ADAMTS10: variants seen among roughly 807,000 people sequenced by gnomAD.
ADAMTS10 encodes ADAM metallopeptidase with thrombospondin type 1 motif 10, also known as A disintegrin and metalloproteinase with thrombospondin motifs 10.
ADAMTS10 carries 48 observed loss-of-function variants against 135.9 expected under a neutral mutation model. That is an observed-to-expected ratio of 0.35 (90% CI 0.28 to 0.45). The LOEUF (loss-of-function observed/expected upper bound fraction) is 0.45, where lower values mean the gene tolerates loss of function less well. Among genes scored for constraint, ADAMTS10 ranks in the 20% least tolerant of loss-of-function variants. ADAMTS10 has a pLI of 1.00. For missense variants in ADAMTS10, 1,131 were observed against 1,565.2 expected (o/e 0.72, Z 4.68); for synonymous variants, 621 against 647.5 (o/e 0.96, Z 0.62).
rs1370893207 is a variant in ADAMTS10, at chr19:8,601,222, C to A, written c.593-77G>T. On this transcript the variant is annotated intron_variant, in intron 5 of 25. Coordinates refer to ENST00000597188, the MANE Select transcript of ADAMTS10 (RefSeq NM_030957.4). This position sits in a 1 kb window ranked among gnomAD's most constrained non-coding sequence, Gnocchi z 4.6. ...GCTGCCTGACAACTGTCTTGTCCAA[C>A]CTCTGACTGGCTACCTCTCTACCCA... 1 of 1,488,026 alleles carries A rather than the reference C, an allele frequency of 6.7e-7. No individual in the cohort carries two copies. The highest frequency in any genetic ancestry group is 9.2e-7 in the Non-Finnish European group (1 of 1,090,792). 92.2% of individuals were successfully genotyped at this position (1,488,026 alleles called of 1,614,324 possible). A position where few individuals can be genotyped will look rare whatever the true frequency, so the allele number is the denominator to read the frequency against.
In ADAMTS10 at chr19:8,597,230, G is replaced by C; in HGVS notation, c.894+4C>G. On this transcript the variant is annotated splice_donor_region_variant and intron_variant, in intron 7 of 25. Transcript: ENST00000597188. Reference sequence around the variant, plus strand: ...GAAGGGGAAGGGGAGGAAGTCCCCCGCACCTGGTCCTCCGTGAGCAGGATG... The same window carrying C: ...GAAGGGGAAGGGGAGGAAGTCCCCCCCACCTGGTCCTCCGTGAGCAGGATG... 6.2e-7 allele frequency: 1 copy of C among 1,614,078 alleles called. No homozygotes were observed. The highest frequency in any genetic ancestry group is 8.5e-7 in the Non-Finnish European group (1 of 1,180,010).
rs138501563 is a variant in ADAMTS10, at chr19:8,585,059, G to GAGGGGGC, written c.3043-12_3043-6dup. 298,616 of 1,516,506 alleles carry GAGGGGGC rather than the reference G, an allele frequency of 0.2. 30,503 individuals carry two copies. The highest frequency in any genetic ancestry group is 0.21 in the Non-Finnish European group (234,701 of 1,134,918). The allele number at this position is 1,516,506 out of a possible 1,614,324, so 93.9% of individuals were successfully genotyped here. On this transcript the variant is annotated splice_polypyrimidine_tract_variant and splice_region_variant and intron_variant, in intron 24 of 25. Coordinates refer to ENST00000597188, the MANE Select transcript of ADAMTS10 (RefSeq NM_030957.4). ...GACGCCGCACTGTGCAGAGCACTGC[G>GAGGGGGC]AGGGGGCACCACTCAGTTGCTGCCC...
chr19:8,589,133 C>T (rs1170507720), intron 18 of ADAMTS10, 109 bp downstream of exon 18: 223 of 1,567,964 alleles, frequency 1.4e-4, no homozygotes, highest in Non-Finnish European at 1.8e-4. Context: ...CTCCACGGGG[C>T]CCCTGGGGTC....
intron 16 of ADAMTS10, 68 bp from the exon 17 acceptor site, chr19:8,589,653 G>C (rs558667624): frequency 6.2e-7 from 1 of 1,604,094 alleles, no homozygotes; most frequent in South Asian, 1.1e-5. Context: ...CTCCCTGGGG[G>C]AGTGAGGCCA....
intron 18 of ADAMTS10, 115 bp downstream of exon 18, chr19:8,589,127 A>G: frequency 6.4e-7 from 1 of 1,555,244 alleles, no homozygotes; most frequent in Non-Finnish European, 8.7e-7. Context: ...CTGACACTCC[A>G]CGGGGCCCCT....
chr19:8,591,790 G>A lies in ADAMTS10; in HGVS notation c.1797+10C>T. On this transcript the variant is annotated intron_variant, in intron 15 of 25. Coordinates refer to ENST00000597188, the MANE Select transcript of ADAMTS10 (RefSeq NM_030957.4). ...TCCCCCCACCCCTCAAGGGGTTTGG[G>A]GGAACTCACATCCGTGTTGCAGGAG... 6.2e-7 allele frequency: 1 copy of A among 1,613,672 alleles called. No homozygotes were observed. Among genetic ancestry groups the A allele is most frequent in the Non-Finnish European group, 8.5e-7 (1 of 1,180,008 alleles).
At chr19:8,586,759 T>C in intron 19 of ADAMTS10, 38 bp from the exon 20 acceptor site, 2 of 1,614,082 alleles carry the variant, frequency 1.2e-6, no homozygotes, top group African/African-American at 2.7e-5. Flanking sequence ...CTAGTCATGC[T>C]GAAACCGCCC....
intron 12 of ADAMTS10, among the ~76,000 whole-genome samples, chr19:8,595,101 G>C (rs1427131775): frequency 6.6e-6 from 1 of 152,178 alleles, no homozygotes; most frequent in Non-Finnish European, 1.5e-5. Flanking sequence ...GAGGAGCTTA[G>C]GGGTGCATTT....
At chr19:8,594,316 C>T (rs1490020428) in intron 12 of ADAMTS10, among the ~76,000 whole-genome samples, 4 of 152,114 alleles carry the variant, frequency 2.6e-5, no homozygotes, top group African/African-American at 7.2e-5. Context: ...CTATGAGGCA[C>T]GTGACAGGAT....
chr19:8,595,698 T>TGCCAACCCC, intron 12 of ADAMTS10, 64 bp downstream of exon 12: 14 of 1,291,924 alleles, frequency 1.1e-5, no homozygotes, highest in Middle Eastern at 2.5e-4. Context: ...CTGGTGGAGT[T>TGCCAACCCC]CCCTCCCCCA....
In ADAMTS10 at chr19:8,601,528, AT is replaced by A. The variant is rs1383335662; in HGVS notation, c.593-384del. On this transcript the variant is annotated intron_variant, in intron 5 of 25. Transcript: ENST00000597188. The surrounding 1 kb of genome is among the most constrained non-coding windows in gnomAD (Gnocchi z 4.6). ...AGGCATGTGCCACTATGCCTGGCTAATTTTTGTATTTTTAATTGAGACTGCA... is the reference window on the plus strand; with the variant it reads ...AGGCATGTGCCACTATGCCTGGCTAATTTTGTATTTTTAATTGAGACTGCA... Among the ~76,000 whole-genome samples the A allele has an allele frequency of 4.6e-5, 7 of 151,594 alleles. No homozygotes were observed. Among genetic ancestry groups the A allele is most frequent in the Non-Finnish European group, 1.0e-4 (7 of 67,858 alleles).
rs546632704 is a variant in ADAMTS10, at chr19:8,596,536, G to A, written c.1084+6C>T. On this transcript the variant is annotated splice_donor_region_variant and intron_variant, in intron 9 of 25. Transcript: ENST00000597188. This position sits in a 1 kb window ranked among gnomAD's most constrained non-coding sequence, Gnocchi z 7.2. The stretch of plus-strand genomic sequence containing the variant: ...TAGGCGCCTGAAACCTACGGGGCTC[G>A]GGTACCTAGTGTGCCGCAGGGTTTG... The A allele has an allele frequency of 5.0e-5, 81 of 1,613,974 alleles. No individual in the cohort carries two copies. In the South Asian group the frequency reaches 8.1e-4, roughly 16 times the overall value.
chr19:8,592,993 C>T, intron 12 of ADAMTS10, 123 bp from the exon 13 acceptor site: 3 of 868,908 alleles, frequency 3.5e-6, no homozygotes, highest in East Asian at 2.7e-5. Context: ...GCCCGGTGCT[C>T]CCTTCCTGGC....
chr19:8,593,809 G>C (rs782519271), intron 12 of ADAMTS10, among the ~76,000 whole-genome samples: 17 of 152,156 alleles, frequency 1.1e-4, no homozygotes, highest in Non-Finnish European at 2.4e-4. Flanking sequence ...CCTCTAAGAA[G>C]TAGGTGGTCC....
intron 1 of ADAMTS10, among the ~76,000 whole-genome samples, chr19:8,609,788 C>T (rs1568410320): frequency 6.6e-6 from 1 of 152,004 alleles, no homozygotes; most frequent in Non-Finnish European, 1.5e-5. Context: ...CAAACACACA[C>T]TGGCAGCGAC....
rs1555735686 is a variant in ADAMTS10, at chr19:8,581,009, G to A, written c.3203-7C>T. On this transcript the variant is annotated splice_polypyrimidine_tract_variant and splice_region_variant and intron_variant, in intron 25 of 25. Transcript: ENST00000597188. ...TTGTTCACATCCTTGCACTCTGCGGGGACGGGAGAAGGAAGGAAAAATCAG... is the reference window on the plus strand; with the variant it reads ...TTGTTCACATCCTTGCACTCTGCGGAGACGGGAGAAGGAAGGAAAAATCAG... The A allele has an allele frequency of 6.2e-7, 1 of 1,608,564 alleles. No homozygotes were observed. Among genetic ancestry groups the A allele is most frequent in the Admixed American group, 1.7e-5 (1 of 59,782 alleles).
intron 25 of ADAMTS10, among the ~76,000 whole-genome samples, chr19:8,582,373 C>T (rs2042365134): frequency 6.6e-6 from 1 of 152,070 alleles, no homozygotes; most frequent in African/African-American, 2.4e-5. Flanking sequence ...GAGGCTGAGG[C>T]AGGAGAATGG....
At chr19:8,591,643 T>C (rs1461301975) in intron 15 of ADAMTS10, among the ~76,000 whole-genome samples, 157 bp downstream of exon 15, 1 of 152,078 alleles carries the variant, frequency 6.6e-6, no homozygotes, top group Non-Finnish European at 1.5e-5. Flanking sequence ...GGTTTCACTA[T>C]GTTAGCCAGG....
intron 16 of ADAMTS10, 70 bp from the exon 17 acceptor site, chr19:8,589,655 G>T: frequency 1.2e-6 from 2 of 1,602,828 alleles, no homozygotes; most frequent in Admixed American, 1.7e-5. Context: ...CCCTGGGGGA[G>T]TGAGGCCAAG....
Sources: allele counts gnomAD v4.1 joint callset (sites outside exome capture counted in the v4.1 genomes callset), GRCh38; gene constraint gnomAD v4.1.1; non-coding constraint Gnocchi (gnomAD v3.1); transcripts MANE v1.5; gene names NCBI Gene and HGNC (gene_info 2026-07-23, HGNC 2026-07-21).